MARK1: variants seen among roughly 807,000 people sequenced by gnomAD.
MARK1 encodes the protein microtubule affinity regulating kinase 1, also known as serine/threonine-protein kinase MARK1.
MARK1 carries 40 observed loss-of-function variants against 96.3 expected under a neutral mutation model. That is an observed-to-expected ratio of 0.42 (90% CI 0.32 to 0.54). MARK1 has a LOEUF of 0.54. MARK1 is among the 20% of genes least tolerant of loss of function. The probability of loss-of-function intolerance (pLI) is 0.16; values close to 1 mark genes in which losing one functional copy is unlikely to be tolerated. For synonymous variants in MARK1, 317 were observed against 341.2 expected (o/e 0.93, Z 0.78); for missense variants, 719 against 984.6 (o/e 0.73, Z 3.61).
At chr1:220,528,916 C>A (rs1345026769) in intron 1 of MARK1, 43 bp downstream of exon 1, 2 of 1,519,564 alleles carry the variant, frequency 1.3e-6, no homozygotes, top group Non-Finnish European at 1.8e-6. Context: ...GGGGCGAGAC[C>A]CTCCTCTGAT....
At chr1:220,574,640 C>CT (rs527327960) in intron 1 of MARK1, among the ~76,000 whole-genome samples, 49 of 152,096 alleles carry the variant, frequency 3.2e-4, no homozygotes, top group Non-Finnish European at 7.1e-4. Flanking sequence ...ACTTTGCCTG[C>CT]TTTTTTATGG....
chr1:220,530,956 G>A (rs2102682515), intron 1 of MARK1, among the ~76,000 whole-genome samples: 1 of 95,718 alleles, frequency 1.0e-5, no homozygotes, highest in East Asian at 2.7e-4. Context: ...TTTAGGTAAA[G>A]GGTTGGGAAG....
intron 1 of MARK1, among the ~76,000 whole-genome samples, chr1:220,529,950 C>T (rs1414411272): frequency 2.6e-5 from 4 of 152,150 alleles, no homozygotes; most frequent in Admixed American, 2.0e-4. Flanking sequence ...GTTATCTCAT[C>T]AGCCGTCCAG....
chr1:220,553,272 A>C (rs1661998099), intron 1 of MARK1, among the ~76,000 whole-genome samples: 1 of 152,204 alleles, frequency 6.6e-6, no homozygotes, highest in Non-Finnish European at 1.5e-5. Flanking sequence ...TAGGCAAAAT[A>C]AACAACCAGG....
intron 1 of MARK1, among the ~76,000 whole-genome samples, chr1:220,567,961 A>G (rs1463790367): frequency 2.0e-5 from 3 of 152,002 alleles, no homozygotes; most frequent in African/African-American, 7.2e-5. Flanking sequence ...GTTGTTTTAT[A>G]TGTGTCTCTT....
chr1:220,557,640 C>CA (rs1378847216), intron 1 of MARK1, among the ~76,000 whole-genome samples: 8 of 151,128 alleles, frequency 5.3e-5, no homozygotes, highest in East Asian at 1.9e-4. Context: ...GTTTGAATTA[C>CA]AAAAAAAATA....
chr1:220,603,966 C>A, intron 5 of MARK1, 101 bp from the exon 6 acceptor site: 4 of 637,236 alleles, frequency 6.3e-6, no homozygotes, highest in South Asian at 3.1e-5. Flanking sequence ...AAATTGTGGG[C>A]CAAAAGTTTC....
intron 2 of MARK1, 123 bp downstream of exon 2, chr1:220,579,680 G>T: frequency 1.4e-6 from 1 of 715,432 alleles, no homozygotes. Flanking sequence ...TGGGGTGTGT[G>T]TGAATGGAAC....
intron 6 of MARK1, among the ~76,000 whole-genome samples, chr1:220,615,527 A>T (rs1666693355): frequency 6.6e-6 from 1 of 152,172 alleles, no homozygotes; most frequent in African/African-American, 2.4e-5. Flanking sequence ...TAATTCCTAG[A>T]ATAGAGTTTT....
At chr1:220,542,559 C>A (rs150327630) in intron 1 of MARK1, among the ~76,000 whole-genome samples, 5 of 152,180 alleles carry the variant, frequency 3.3e-5, no homozygotes, top group African/African-American at 1.2e-4. Flanking sequence ...CCCCTACTGA[C>A]GTGGGGCACT....
At chr1:220,570,939 T>C (rs934901525) in intron 1 of MARK1, among the ~76,000 whole-genome samples, 22 of 152,194 alleles carry the variant, frequency 1.4e-4, no homozygotes, top group Non-Finnish European at 2.9e-4. Flanking sequence ...TGGCAATTTA[T>C]TTCAATAGCT....
chr1:220,546,008 T>C (rs1346192271), intron 1 of MARK1, among the ~76,000 whole-genome samples: 1 of 152,178 alleles, frequency 6.6e-6, no homozygotes, highest in Admixed American at 6.5e-5. Context: ...CCCTGAGAGC[T>C]GATTGAGTTC....
intron 1 of MARK1, among the ~76,000 whole-genome samples, chr1:220,542,863 A>T (rs1168675944): frequency 3.9e-5 from 6 of 152,102 alleles, no homozygotes; most frequent in Admixed American, 1.3e-4. Context: ...TTTTTTGTAA[A>T]TGGGTCTTCA....
At chr1:220,657,718 A>G in intron 16 of MARK1, 72 bp from the exon 17 acceptor site, 2 of 1,119,928 alleles carry the variant, frequency 1.8e-6, no homozygotes, top group South Asian at 1.6e-5. Context: ...TTTTAAAATA[A>G]TTTTAGATAT....
At chr1:220,556,919 A>G (rs182447503) in intron 1 of MARK1, among the ~76,000 whole-genome samples, 1 of 152,198 alleles carries the variant, frequency 6.6e-6, no homozygotes, top group Non-Finnish European at 1.5e-5. Flanking sequence ...GAATACAGAT[A>G]AGAAAGTGCA....
intron 1 of MARK1, chr1:220,571,995 T>C (rs752084118): frequency 6.6e-6 from 1 of 152,246 alleles, no homozygotes; most frequent in Non-Finnish European, 1.5e-5. Flanking sequence ...CACCAGCCTC[T>C]TGAGTAGCTG....
chr1:220,660,484 G>GTA (rs1232173632), intron 17 of MARK1, among the ~76,000 whole-genome samples: 2 of 151,898 alleles, frequency 1.3e-5, no homozygotes, highest in African/African-American at 4.8e-5. Flanking sequence ...GATACAAAAT[G>GTA]TATATATATT....
At position 220,569,001 on chromosome 1, in the gene MARK1, T is replaced by A. The variant is rs191525140; in HGVS notation, c.52-10353T>A. Among the ~76,000 whole-genome samples, 11 of 152,322 alleles carry A rather than the reference T, an allele frequency of 7.2e-5. No individual in the cohort carries two copies. In the East Asian group the frequency reaches 2.1e-3, roughly 29 times the overall value. On this transcript the variant is annotated intron_variant, in intron 1 of 17. Transcript: ENST00000366917. Reference sequence around the variant, plus strand: ...CAACTCCTCCTATACATAGAATTTGTGTCAATTTTCACTGTGACCAATGAT... The same window carrying A: ...CAACTCCTCCTATACATAGAATTTGAGTCAATTTTCACTGTGACCAATGAT...
intron 2 of MARK1, 28 bp downstream of exon 2, chr1:220,579,585 C>T: frequency 6.3e-7 from 1 of 1,576,066 alleles, no homozygotes; most frequent in Non-Finnish European, 8.7e-7. Context: ...CTTTTAATAT[C>T]TGCCTGGACC....
Sources: gnomAD v4.1 joint callset for allele counts (sites outside exome capture counted in the v4.1 genomes callset) on GRCh38, gnomAD v4.1.1 for gene constraint, MANE v1.5 for transcripts, NCBI Gene and HGNC (gene_info 2026-07-23, HGNC 2026-07-21) for gene names.